Variants in NQO2 observed in about 807,000 individuals in gnomAD.
NQO2 encodes ribosyldihydronicotinamide dehydrogenase [quinone].
In NQO2, 18 loss-of-function variants were observed where a neutral mutation model predicts 22.0. The observed-to-expected ratio is 0.82, with a 90% CI of 0.56 to 1.21. The LOEUF is 1.21. Ranked by LOEUF, NQO2 falls within the 50% of genes most tolerant of loss-of-function variation. The pLI is 0.00. For missense variants in NQO2, 267 were observed against 286.9 expected, an observed-to-expected ratio of 0.93 and a Z score of 0.50; for synonymous variants, 106 against 110.8, an observed-to-expected ratio of 0.96 and a Z score of 0.28.
At chr6:3,008,079 T>G (rs1326694426) in intron 2 of NQO2, among the ~76,000 whole-genome samples, 1 of 152,206 alleles carries the variant, frequency 6.6e-6, no homozygotes, top group African/African-American at 2.4e-5. Flanking sequence ...ATAACTGGAT[T>G]TTTAAAATGC....
At position 3,006,817 on chromosome 6, in the gene NQO2, A is replaced by C. The variant is rs1320202543; in HGVS notation, c.7+258A>C. On this transcript the variant is annotated intron_variant, in intron 2 of 6. Transcript: ENST00000380455. The surrounding 1 kb of genome is among the most constrained non-coding windows in gnomAD (Gnocchi z 4.0). ...ATTGTTCCTTTCGACTCCCTCCAGA[A>C]TTTAGGTTCCTCAAAAGTGGGGCCC... 1 of 453,922 alleles carries C rather than the reference A, an allele frequency of 2.2e-6. No homozygotes were observed. Among genetic ancestry groups the C allele is most frequent in the Non-Finnish European group, 3.8e-6 (1 of 260,114 alleles). 28.1% of individuals were successfully genotyped at this position (453,922 alleles called of 1,614,324 possible).
Position 3,012,638 on chromosome 6 carries a change from G to C in NQO2, c.267G>C (p.Gln89His). 1.2e-6 allele frequency: 2 copies of C among 1,613,974 alleles called. No individual in the cohort carries two copies. The highest frequency in any genetic ancestry group is 1.7e-6 in the Non-Finnish European group (2 of 1,179,946). Reference protein sequence around the residue: ...RSLASDITDEQKKVREADLVI... With the variant: ...RSLASDITDEHKKVREADLVI... ...TGGCTAGCGACATCACTGATGAGCA[G>C]AAAAAGGTTCGGGAGGCTGACCTAG... is the stretch of plus-strand genomic sequence containing the variant. The change falls in exon 4 of 7, where the codon CAG (glutamine) becomes CAC (histidine). Residue 89 changes from glutamine to histidine, a missense_variant. Transcript: ENST00000380455.
intron 3 of NQO2, among the ~76,000 whole-genome samples, chr6:3,010,554 T>C (rs1382249484): frequency 6.6e-6 from 1 of 152,126 alleles, no homozygotes; most frequent in Non-Finnish European, 1.5e-5. Context: ...CTCAATTTTC[T>C]GGGGTTCCCA....
intron 1 of NQO2, chr6:3,005,791 C>G (rs1756932036): frequency 2.0e-6 from 2 of 985,240 alleles, no homozygotes; most frequent in South Asian, 4.7e-5. Context: ...GCAACTGTCT[C>G]TCTCTCACTC....
At chr6:3,012,945 A>ATTTTTTTTTTT (rs1561715126) in intron 4 of NQO2, among the ~76,000 whole-genome samples, 2 of 61,788 alleles carry the variant, frequency 3.2e-5, no homozygotes, top group Non-Finnish European at 6.7e-5. Context: ...ATGTAACACT[A>ATTTTTTTTTTT]CTTTTTTTTT....
At chr6:3,019,228 A>G (rs1452669266) in intron 6 of NQO2, 3 of 321,204 alleles carry the variant, frequency 9.3e-6, no homozygotes, top group Non-Finnish European at 1.3e-5. Flanking sequence ...AGTTGCAAAG[A>G]TTGTAGGTTA....
At chr6:3,009,920 C>A in intron 2 of NQO2, 105 bp from the exon 3 acceptor site, 2 of 1,468,090 alleles carry the variant, frequency 1.4e-6, no homozygotes, top group South Asian at 1.5e-5. Flanking sequence ...TTCTTAGCTT[C>A]AATTACTATG....
intron 3 of NQO2, among the ~76,000 whole-genome samples, chr6:3,011,226 T>C (rs906252983): frequency 6.6e-6 from 1 of 152,138 alleles, no homozygotes; most frequent in African/African-American, 2.4e-5. Flanking sequence ...AGAAAAGCAG[T>C]TCAGAAATTT....
At chr6:3,019,368 A>C in intron 6 of NQO2, 111 bp from the exon 7 acceptor site, 1 of 1,454,152 alleles carries the variant, frequency 6.9e-7, no homozygotes, top group Non-Finnish European at 9.1e-7. Context: ...AGGTTGTTTC[A>C]TGATTTTTTG....
At chr6:3,001,029 G>C (rs890246187) in intron 1 of NQO2, among the ~76,000 whole-genome samples, 1 of 151,158 alleles carries the variant, frequency 6.6e-6, no homozygotes, top group Non-Finnish European at 1.5e-5. Context: ...TTTTAGTACA[G>C]GTGGGAGTTT....
chr6:3,005,601 G>C, intron 1 of NQO2: 1 of 977,958 alleles, frequency 1.0e-6, no homozygotes, highest in Non-Finnish European at 1.2e-6. Context: ...CTTTGTTGTT[G>C]TTAAGTTTTA....
At chr6:3,013,852 A>G (rs971238998) in intron 4 of NQO2, among the ~76,000 whole-genome samples, 1 of 152,194 alleles carries the variant, frequency 6.6e-6, no homozygotes, top group Non-Finnish European at 1.5e-5. Context: ...GGCTCTGGTC[A>G]CTTGGGCCTC....
In NQO2 at chr6:3,015,596, G is replaced by A. The variant is rs921846369; in HGVS notation, c.370G>A (p.Gly124Ser). The change falls in exon 5 of 7, where the codon GGC becomes AGC. Residue 124 changes from glycine (G) to serine (S), a missense_variant. Transcript: ENST00000380455. The part of the protein sequence containing the change: ...KGWMDRVLCQ[G>S]FAFDIPGFYD... ...CTGGATGGATAGGGTGCTGTGCCAG[G>A]GCTTTGCCTTTGACATCCCAGGATT... 1.4e-5 allele frequency: 22 copies of A among 1,614,158 alleles called. No homozygotes were observed. Among genetic ancestry groups the A allele is most frequent in the Non-Finnish European group, 1.9e-5 (22 of 1,180,028 alleles).
chr6:3,006,504 G>GC lies in NQO2; in HGVS notation c.-45dup, dbSNP rs749461426. 6.2e-7 allele frequency: 1 copy of GC among 1,612,656 alleles called. No individual in the cohort carries two copies. On this transcript the variant is annotated 5_prime_UTR_variant, in exon 2 of 7. Coordinates refer to ENST00000380455, the MANE Select transcript of NQO2 (RefSeq NM_000904.6). This position sits in a 1 kb window ranked among gnomAD's most constrained non-coding sequence, Gnocchi z 4.0. ...CGCTGAAGAGAGACTACGCAGGAAA[G>GC]CCCCAGCCACCCATCAAATCAGAGA...
rs547034340 is a variant in NQO2 at position 3,012,689 on chromosome 6, A to C, written c.303+15A>C. ...TGATATTTCAGGTTTGTTTTTCTCT[A>C]ATTAATATATTGAATCAGATTCATC... is the stretch of plus-strand genomic sequence containing the variant. On this transcript the variant is annotated intron_variant, in intron 4 of 6. Transcript: ENST00000380455. The C allele has an allele frequency of 1.2e-6, 2 of 1,608,896 alleles. No individual in the cohort carries two copies. The highest frequency in any genetic ancestry group is 2.7e-5 in the African/African-American group (2 of 74,536).
Position 3,006,339 on chromosome 6 carries a change from C to T in NQO2, c.-85-129C>T, listed in dbSNP as rs1581321602. 7.3e-7 allele frequency: 1 copy of T among 1,369,762 alleles called. No individual in the cohort carries two copies. Among genetic ancestry groups the T allele is most frequent in the East Asian group, 2.9e-5 (1 of 34,362 alleles). 84.9% of individuals were successfully genotyped at this position (1,369,762 alleles called of 1,614,324 possible). On this transcript the variant is annotated intron_variant, in intron 1 of 6. Transcript: ENST00000380455. The surrounding 1 kb of genome is among the most constrained non-coding windows in gnomAD (Gnocchi z 4.0). ...GCCTAAATCTCCAGAAGATTCCTGG[C>T]CTCTCTTGAGAGGTCTTTCTCTGAT...
At chr6:3,002,459 C>T (rs1481256411) in intron 1 of NQO2, among the ~76,000 whole-genome samples, 3 of 152,140 alleles carry the variant, frequency 2.0e-5, no homozygotes, top group Non-Finnish European at 4.4e-5. Context: ...CAGGCACATG[C>T]CACCATACCC....
chr6:3,017,091 G>T, intron 6 of NQO2, 106 bp downstream of exon 6: 2 of 1,310,034 alleles, frequency 1.5e-6, no homozygotes, highest in Non-Finnish European at 1.1e-6. Context: ...CATGCCCTCA[G>T]CTCCCCGAGG....
intron 4 of NQO2, 42 bp from the exon 5 acceptor site, chr6:3,015,488 C>T (rs781544500): frequency 3.0e-5 from 48 of 1,602,610 alleles, no homozygotes; most frequent in Middle Eastern, 1.7e-4. Context: ...AAACCTGAGG[C>T]GAGCCGCAGC....
Sources: gnomAD v4.1 joint callset for allele counts (sites outside exome capture counted in the v4.1 genomes callset) on GRCh38, gnomAD v4.1.1 for gene constraint, Gnocchi (gnomAD v3.1) non-coding constraint, MANE v1.5 for transcripts, NCBI Gene and HGNC (gene_info 2026-07-23, HGNC 2026-07-21) for gene names.